DCC: variants seen among roughly 807,000 people sequenced by gnomAD.
DCC encodes DCC netrin 1 receptor, also known as netrin receptor DCC.
DCC carries 58 observed loss-of-function variants against 172.5 expected under a neutral mutation model. That is an observed-to-expected ratio of 0.34 (90% CI 0.27 to 0.42). The LOEUF is 0.42. Among genes scored for constraint, DCC ranks in the 10% least tolerant of loss-of-function variants. The pLI, the probability that DCC is intolerant of heterozygous loss-of-function variation, is 1.00. For missense variants in DCC, 1,740 were observed against 1,791.0 expected (o/e 0.97, Z 0.51); for synonymous variants, 709 against 644.5 (o/e 1.10, Z -1.52).
intron 1 of DCC, among the ~76,000 whole-genome samples, chr18:52,729,431 T>G (rs2145091257): frequency 6.6e-6 from 1 of 152,210 alleles, no homozygotes; most frequent in Middle Eastern, 3.4e-3. Context: ...GCCTAATATT[T>G]GTATTTTTGG....
intron 1 of DCC, among the ~76,000 whole-genome samples, chr18:52,495,578 C>G (rs554220270): frequency 1.3e-5 from 2 of 152,198 alleles, no homozygotes; most frequent in African/African-American, 4.8e-5. Context: ...TCTAGTTCAT[C>G]TTGGCAGAAA....
intron 12 of DCC, among the ~76,000 whole-genome samples, chr18:53,283,437 A>T (rs2056896318): frequency 6.6e-6 from 1 of 152,154 alleles, no homozygotes; most frequent in African/African-American, 2.4e-5. Flanking sequence ...TATAACATTA[A>T]TATAGGAAGG....
intron 1 of DCC, among the ~76,000 whole-genome samples, chr18:52,675,772 G>T (rs1724689175): frequency 6.6e-6 from 1 of 152,184 alleles, no homozygotes; most frequent in South Asian, 2.1e-4. Context: ...AACAAGCGTT[G>T]ACATAGAAAA....
intron 1 of DCC, among the ~76,000 whole-genome samples, chr18:52,423,897 TG>T (rs1987335495): frequency 6.6e-6 from 1 of 152,278 alleles, no homozygotes. Flanking sequence ...CCTCTGGTAA[TG>T]CTGTGTGTGA....
At chr18:52,729,063 T>G (rs1327090746) in intron 1 of DCC, among the ~76,000 whole-genome samples, 3 of 152,198 alleles carry the variant, frequency 2.0e-5, no homozygotes, top group African/African-American at 4.8e-5. Flanking sequence ...TTTTAAAAAT[T>G]TAAGCATAAT....
chr18:52,710,064 T>C (rs1179026239), intron 1 of DCC, among the ~76,000 whole-genome samples: 17 of 152,196 alleles, frequency 1.1e-4, no homozygotes, highest in Admixed American at 1.1e-3. Context: ...TTAAAAGTGT[T>C]TGCTATCCTC....
At chr18:52,479,190 C>T (rs986993583) in intron 1 of DCC, among the ~76,000 whole-genome samples, 2 of 152,106 alleles carry the variant, frequency 1.3e-5, no homozygotes, top group African/African-American at 2.4e-5. Flanking sequence ...TTGTAAAGGG[C>T]CAATGCTTCT....
chr18:52,535,793 C>CA (rs2144692377), intron 1 of DCC, among the ~76,000 whole-genome samples: 1 of 152,248 alleles, frequency 6.6e-6, no homozygotes, highest in Non-Finnish European at 1.5e-5. Flanking sequence ...CACCCATTTG[C>CA]TTAGCACTCA....
chr18:52,663,152 T>A (rs2035395542), intron 1 of DCC, among the ~76,000 whole-genome samples: 1 of 152,224 alleles, frequency 6.6e-6, no homozygotes, highest in African/African-American at 2.4e-5. Context: ...AAAGTTAGAA[T>A]TCTGTGTGCA....
intron 8 of DCC, among the ~76,000 whole-genome samples, chr18:53,174,910 T>C (rs2055067272): frequency 1.3e-5 from 2 of 152,158 alleles, no homozygotes; most frequent in South Asian, 2.1e-4. Flanking sequence ...TGATGAACAT[T>C]GATGCAAAAA....
chr18:53,060,500 C>T lies in DCC; in HGVS notation c.986-2805C>T, dbSNP rs150769114. Among the ~76,000 whole-genome samples the T allele has an allele frequency of 1.4e-3, 211 of 152,140 alleles. 2 individuals are homozygous for T. The highest frequency in any genetic ancestry group is 9.9e-3 in the Admixed American group (151 of 15,272). ...GAAGACAAGGTGTCCAGTGTGATGA[C>T]GGAAGCCTAAGAAATATGAGAAAAT... On this transcript the variant is annotated intron_variant, in intron 5 of 28. Transcript: ENST00000442544.
At chr18:52,393,960 A>G (rs1986123400) in intron 1 of DCC, among the ~76,000 whole-genome samples, 1 of 152,086 alleles carries the variant, frequency 6.6e-6, no homozygotes, top group Non-Finnish European at 1.5e-5. Flanking sequence ...TTCTCAATTC[A>G]TAGCATGCTT....
At chr18:53,017,960 A>G (rs993146562) in intron 5 of DCC, among the ~76,000 whole-genome samples, 1 of 152,178 alleles carries the variant, frequency 6.6e-6, no homozygotes, top group African/African-American at 2.4e-5. Context: ...TTGGGTTGCA[A>G]CAGCATTTAT....
At chr18:52,879,215 CTTT>C (rs1250532222) in intron 2 of DCC, among the ~76,000 whole-genome samples, 1 of 151,988 alleles carries the variant, frequency 6.6e-6, no homozygotes, top group Non-Finnish European at 1.5e-5. Context: ...TTCCTTTCCT[CTTT>C]TTTATTGTCT....
At chr18:53,144,838 T>C (rs960514288) in intron 7 of DCC, among the ~76,000 whole-genome samples, 7 of 152,126 alleles carry the variant, frequency 4.6e-5, no homozygotes, top group African/African-American at 1.7e-4. Flanking sequence ...TTGATGGTCA[T>C]GTGGGAGAAG....
intron 5 of DCC, among the ~76,000 whole-genome samples, chr18:52,937,590 A>G (rs970496668): frequency 6.6e-6 from 1 of 152,050 alleles, no homozygotes; most frequent in Non-Finnish European, 1.5e-5. Context: ...GCTCACTGCT[A>G]TCTCCGCCTC....
intron 20 of DCC, among the ~76,000 whole-genome samples, chr18:53,414,509 A>G (rs1052372599): frequency 2.0e-5 from 3 of 152,146 alleles, no homozygotes; most frequent in East Asian, 1.9e-4. Flanking sequence ...TTACTTTTCA[A>G]TTATATCTCA....
chr18:53,046,342 A>G (rs1192383392), intron 5 of DCC, among the ~76,000 whole-genome samples: 5 of 151,856 alleles, frequency 3.3e-5, no homozygotes, highest in African/African-American at 1.2e-4. Context: ...TGCTTGCCAA[A>G]TATTAAGTGA....
At position 53,292,434 on chromosome 18, in the gene DCC, C is replaced by T. The variant is rs545998146; in HGVS notation, c.1912-13144C>T. ...AGGCATGGTGGCTTACACCTGTAAT[C>T]CCAGCACTTTGGGAGGCCAAGGCGG... On this transcript the variant is annotated intron_variant, in intron 12 of 28. Transcript: ENST00000442544. 2.4e-3 allele frequency among the ~76,000 whole-genome samples: 359 copies of T among 152,248 alleles called. 5 individuals are homozygous for T. The highest frequency in any genetic ancestry group is 7.1e-4 in the Non-Finnish European group (48 of 68,024).
Sources: allele counts gnomAD v4.1 joint callset (sites outside exome capture counted in the v4.1 genomes callset), GRCh38; gene constraint gnomAD v4.1.1; transcripts MANE v1.5; gene names NCBI Gene and HGNC (gene_info 2026-07-23, HGNC 2026-07-21).